Variants in LZTS1 observed in about 807,000 individuals in gnomAD.
LZTS1 encodes leucine zipper tumor suppressor 1, also known as leucine zipper putative tumor suppressor 1.
LZTS1 carries 31 observed loss-of-function variants against 45.8 expected under a neutral mutation model. That is an observed-to-expected ratio of 0.68 (90% CI 0.51 to 0.91). The LOEUF (loss-of-function observed/expected upper bound fraction) is 0.91, where lower values mean the gene tolerates loss of function less well. Ranked by LOEUF, LZTS1 falls within the 40% of genes least tolerant of loss-of-function variation. The pLI, the probability that LZTS1 is intolerant of heterozygous loss-of-function variation, is 0.00. For missense variants in LZTS1, 821 were observed against 788.9 expected, an observed-to-expected ratio of 1.04 and a Z score of -0.49; for synonymous variants, 359 against 357.3, an observed-to-expected ratio of 1.00 and a Z score of -0.05.
chr8:20,285,325 T>G (rs555917363), intron 1 of LZTS1, among the ~76,000 whole-genome samples: 131 of 152,348 alleles, frequency 8.6e-4, no homozygotes, highest in African/African-American at 3.1e-3. Context: ...CTGCCTCAGT[T>G]CTTCCATGTG....
rs1009990956 is a variant in LZTS1, at chr8:20,253,121, C to T, written c.810G>A (p.Leu270=). The T allele has an allele frequency of 6.2e-7, 1 of 1,612,186 alleles. No homozygotes were observed. Among genetic ancestry groups the T allele is most frequent in the Non-Finnish European group, 8.5e-7 (1 of 1,179,420 alleles). The change falls in exon 3 of 4, where the codon CTG becomes CTA. Residue 270 remains leucine, a synonymous_variant. Coordinates refer to ENST00000381569, the MANE Select transcript of LZTS1 (RefSeq NM_021020.5). The part of the protein sequence containing the change: ...ECSIQELEQK[L]LEREGALQKL... The stretch of plus-strand genomic sequence containing the variant: ...TCTGGAGGGCGCCCTCCCTCTCCAA[C>T]AGCTTCTGCTCCAGCTCCTGGATGC...
At chr8:20,261,029 C>G (rs527708581) in intron 1 of LZTS1, among the ~76,000 whole-genome samples, 1 of 152,298 alleles carries the variant, frequency 6.6e-6, no homozygotes, top group African/African-American at 2.4e-5. Context: ...CTCACCTGCC[C>G]CCGTCCAACC....
intron 1 of LZTS1, among the ~76,000 whole-genome samples, chr8:20,267,518 T>C (rs1800386103): frequency 6.6e-6 from 1 of 152,130 alleles, no homozygotes; most frequent in African/African-American, 2.4e-5. Context: ...ACTTGTTTTT[T>C]TGCTTGTTTG....
At chr8:20,300,068 TG>T (rs1290907926) in intron 1 of LZTS1, among the ~76,000 whole-genome samples, 1 of 152,046 alleles carries the variant, frequency 6.6e-6, no homozygotes. Flanking sequence ...ATAGAGTGGG[TG>T]GGGGCGAGTG....
At chr8:20,300,534 G>A (rs1276950260) in intron 1 of LZTS1, among the ~76,000 whole-genome samples, 16 of 151,974 alleles carry the variant, frequency 1.1e-4, no homozygotes, top group African/African-American at 2.9e-4. Context: ...GTGTTTCACC[G>A]TGTTAGCCAG....
chr8:20,302,202 C>A (rs1189820634), intron 1 of LZTS1, among the ~76,000 whole-genome samples: 1 of 152,054 alleles, frequency 6.6e-6, no homozygotes, highest in African/African-American at 2.4e-5. Flanking sequence ...AAGGAGATAA[C>A]GTATGAGATA....
At chr8:20,280,553 A>T (rs1042701194) in intron 1 of LZTS1, among the ~76,000 whole-genome samples, 1 of 152,202 alleles carries the variant, frequency 6.6e-6, no homozygotes, top group African/African-American at 2.4e-5. Context: ...ATTAGCAGTG[A>T]GAACACTTGA....
rs551762462 is a variant in LZTS1 at position 20,253,256 on chromosome 8, C to A, written c.675G>T (p.Met225Ile). Residue 225 changes from methionine to isoleucine, a missense_variant, in exon 3 of 4, where the codon ATG (methionine) becomes ATT (isoleucine). Met to Ile is a conservative substitution (Grantham distance 10, BLOSUM62 1). Transcript: ENST00000381569. ...CGGAGAAGGACAGAGCCTTCAGGCT[C>A]ATCATGTTGCTGTCCTGGAGGACGA... is the stretch of plus-strand genomic sequence containing the variant. ...QGIVLQDSNMMSLKALSFSDG... is the reference protein window; with the variant it reads ...QGIVLQDSNMISLKALSFSDG... The A allele has an allele frequency of 5.6e-6, 9 of 1,614,012 alleles. No individual in the cohort carries two copies. The highest frequency in any genetic ancestry group is 6.8e-6 in the Non-Finnish European group (8 of 1,180,050).
At chr8:20,284,851 T>C (rs979316666) in intron 1 of LZTS1, among the ~76,000 whole-genome samples, 1 of 152,218 alleles carries the variant, frequency 6.6e-6, no homozygotes, top group Non-Finnish European at 1.5e-5. Flanking sequence ...AACCTTTCCC[T>C]GCTCCCATAG....
At chr8:20,252,506 C>G (rs1015419058) in intron 3 of LZTS1, among the ~76,000 whole-genome samples, 1 of 152,196 alleles carries the variant, frequency 6.6e-6, no homozygotes, top group Non-Finnish European at 1.5e-5. Flanking sequence ...GGGCCTTGGT[C>G]ATCTGGCTTC....
chr8:20,260,328 G>A (rs1331573904), intron 1 of LZTS1, among the ~76,000 whole-genome samples: 3 of 152,190 alleles, frequency 2.0e-5, no homozygotes, highest in African/African-American at 7.2e-5. Context: ...TTTATTGTGT[G>A]TATCTCTACC....
At chr8:20,293,962 GA>G (rs1233768745) in intron 1 of LZTS1, among the ~76,000 whole-genome samples, 2 of 151,958 alleles carry the variant, frequency 1.3e-5, no homozygotes, top group Non-Finnish European at 2.9e-5. Flanking sequence ...AAAATAAAAA[GA>G]AAAAAGAAAA....
At chr8:20,261,035 C>T (rs1800217511) in intron 1 of LZTS1, among the ~76,000 whole-genome samples, 1 of 152,194 alleles carries the variant, frequency 6.6e-6, no homozygotes, top group Non-Finnish European at 1.5e-5. Flanking sequence ...TGCCCCCGTC[C>T]AACCTGCTGT....
chr8:20,285,641 A>T lies in LZTS1; in HGVS notation c.-135+18099T>A, dbSNP rs946746127. Among the ~76,000 whole-genome samples, 7 of 152,350 alleles carry T rather than the reference A, an allele frequency of 4.6e-5. No individual in the cohort carries two copies. The East Asian group carries it at 9.6e-4, about 21-fold the overall frequency. ...CACAGACTTGATAATCTAAAGATTT[A>T]CATTTTATGCACATTGACCTAGTGA... On this transcript the variant is annotated intron_variant, in intron 1 of 3. Transcript: ENST00000381569.
intron 1 of LZTS1, among the ~76,000 whole-genome samples, chr8:20,263,381 A>G (rs1303061522): frequency 6.6e-6 from 1 of 151,574 alleles, no homozygotes; most frequent in African/African-American, 2.4e-5. Context: ...GAGAGCTGTC[A>G]ACCCCCTCTT....
At chr8:20,289,592 A>G (rs1800862439) in intron 1 of LZTS1, among the ~76,000 whole-genome samples, 1 of 152,192 alleles carries the variant, frequency 6.6e-6, no homozygotes, top group Non-Finnish European at 1.5e-5. Flanking sequence ...CTGGCAGGAA[A>G]GCAGGGAGGG....
chr8:20,270,009 C>T (rs1800440247), intron 1 of LZTS1, among the ~76,000 whole-genome samples: 1 of 152,198 alleles, frequency 6.6e-6, no homozygotes, highest in African/African-American at 2.4e-5. Flanking sequence ...TACAGAGGTA[C>T]CCACCTCCTT....
intron 1 of LZTS1, among the ~76,000 whole-genome samples, chr8:20,286,606 C>T (rs1353970482): frequency 6.6e-6 from 1 of 152,164 alleles, no homozygotes; most frequent in Non-Finnish European, 1.5e-5. Context: ...TGTGTCTATC[C>T]AAGTTGAACA....
At chr8:20,281,487 C>A (rs370331378) in intron 1 of LZTS1, among the ~76,000 whole-genome samples, 2 of 152,262 alleles carry the variant, frequency 1.3e-5, no homozygotes, top group African/African-American at 4.8e-5. Context: ...GCAGGAGAAT[C>A]GCTTGCACCT....
Sources: allele counts gnomAD v4.1 joint callset (sites outside exome capture counted in the v4.1 genomes callset), GRCh38; gene constraint gnomAD v4.1.1; transcripts MANE v1.5; gene names NCBI Gene and HGNC (gene_info 2026-07-23, HGNC 2026-07-21).